SOCS2: variants seen among roughly 807,000 people sequenced by gnomAD.
SOCS2 encodes CIS-2.
In SOCS2, 10 loss-of-function variants were observed where a neutral mutation model predicts 18.6. That is an observed-to-expected ratio of 0.54 (90% CI 0.33 to 0.91). SOCS2 has a LOEUF of 0.91. Ranked by LOEUF, SOCS2 falls within the 40% of genes least tolerant of loss-of-function variation. The probability of loss-of-function intolerance (pLI) is 0.02; values close to 1 mark genes in which losing one functional copy is unlikely to be tolerated. For missense variants in SOCS2, 231 were observed against 247.2 expected (o/e 0.93, Z 0.44); for synonymous variants, 104 against 104.0 (o/e 1.00, Z 0.00).
intron 1 of SOCS2, among the ~76,000 whole-genome samples, chr12:93,582,575 C>T (rs867320448): frequency 5.9e-5 from 9 of 152,236 alleles, no homozygotes; most frequent in Middle Eastern, 3.4e-3. Context: ...GAGTATGCGG[C>T]TTTGAGTCAC....
At chr12:93,624,568 TAA>T in the SOCS2 span, among the ~76,000 whole-genome samples, 23,762 of 143,824 alleles carry the variant, frequency 0.17, 2,789 homozygotes, top group East Asian at 0.35. Flanking sequence ...AGACTCCATC[TAA>T]AAAAAAAAAA....
downstream of SOCS2, among the ~76,000 whole-genome samples, chr12:93,587,485 T>G (rs865496): frequency 6.6e-6 from 1 of 151,812 alleles, no homozygotes; most frequent in Non-Finnish European, 1.5e-5. Flanking sequence ...ATCGAGACCA[T>G]CCTGGCTAAC....
the SOCS2 span, among the ~76,000 whole-genome samples, chr12:93,617,331 C>G: frequency 6.6e-6 from 1 of 152,150 alleles, no homozygotes; most frequent in Non-Finnish European, 1.5e-5. Flanking sequence ...CTAAACTAAA[C>G]TAGGGTGTGG....
intron 1 of SOCS2, 88 bp from the exon 2 acceptor site, chr12:93,574,621 TAGAGCTAAAAAAA>T: frequency 5.1e-6 from 4 of 783,328 alleles, no homozygotes; most frequent in African/African-American, 1.8e-5. Flanking sequence ...TTTTCTTTTT[TAGAGCTAAAAAAA>T]TTATTGCCAA....
chr12:93,599,362 A>T, the SOCS2 span, among the ~76,000 whole-genome samples: 1 of 151,976 alleles, frequency 6.6e-6, no homozygotes, highest in Admixed American at 6.6e-5. Flanking sequence ...GGGTCTTGCA[A>T]TGTTGCCCAG....
At chr12:93,623,798 G>A in the SOCS2 span, among the ~76,000 whole-genome samples, 23 of 151,876 alleles carry the variant, frequency 1.5e-4, no homozygotes, top group African/African-American at 7.3e-5. Flanking sequence ...TCCGCCTCCC[G>A]AGCTCAAGCG....
At chr12:93,603,115 C>T in the SOCS2 span, among the ~76,000 whole-genome samples, 3,108 of 152,280 alleles carry the variant, frequency 0.02, 122 homozygotes, top group African/African-American at 0.071. Flanking sequence ...AGAGTAAACA[C>T]TGCCTCCTAT....
the SOCS2 span, among the ~76,000 whole-genome samples, chr12:93,613,706 G>C: frequency 2.6e-5 from 4 of 152,110 alleles, no homozygotes; most frequent in Admixed American, 1.3e-4. Context: ...TAACAATTGA[G>C]TACTCTGGCT....
At chr12:93,594,797 A>T in the SOCS2 span, among the ~76,000 whole-genome samples, 1 of 152,182 alleles carries the variant, frequency 6.6e-6, no homozygotes, top group Non-Finnish European at 1.5e-5. Flanking sequence ...AAAGAAATGA[A>T]TTTGTAGGTC....
downstream of SOCS2, among the ~76,000 whole-genome samples, chr12:93,578,615 T>TA (rs1283133490): frequency 2.6e-5 from 4 of 152,022 alleles, no homozygotes; most frequent in Non-Finnish European, 5.9e-5. Context: ...AACCACTTTT[T>TA]AGATCACATA....
chr12:93,600,174 T>TA, the SOCS2 span, among the ~76,000 whole-genome samples: 1 of 152,122 alleles, frequency 6.6e-6, no homozygotes, highest in African/African-American at 2.4e-5. Context: ...GGTATAGATT[T>TA]AAAAAAAATT....
downstream of SOCS2, among the ~76,000 whole-genome samples, chr12:93,581,392 G>C (rs1954537193): frequency 6.6e-6 from 1 of 151,986 alleles, no homozygotes; most frequent in Non-Finnish European, 1.5e-5. Context: ...GAGCAGAATA[G>C]GAGTGAACAA....
At chr12:93,586,800 T>G (rs969303737), downstream of SOCS2, among the ~76,000 whole-genome samples, 2 of 152,210 alleles carry the variant, frequency 1.3e-5, no homozygotes, top group African/African-American at 4.8e-5. Context: ...ATTCATTCAC[T>G]CACTCATTCA....
chr12:93,600,338 T>A, the SOCS2 span, among the ~76,000 whole-genome samples: 1 of 152,128 alleles, frequency 6.6e-6, no homozygotes, highest in African/African-American at 2.4e-5. Context: ...GTTCTGCTCT[T>A]CTATTTGTCC....
At chr12:93,616,838 A>C in the SOCS2 span, among the ~76,000 whole-genome samples, 1 of 152,224 alleles carries the variant, frequency 6.6e-6, no homozygotes, top group Non-Finnish European at 1.5e-5. Context: ...GAGATGGGGA[A>C]GTACATGTGA....
At chr12:93,608,017 T>TG in the SOCS2 span, among the ~76,000 whole-genome samples, 2 of 151,654 alleles carry the variant, frequency 1.3e-5, no homozygotes, top group South Asian at 2.1e-4. Flanking sequence ...TTTTTTTTTT[T>TG]TTGAGACAGG....
chr12:93,608,162 GTTTTTTGGTT>G, the SOCS2 span, among the ~76,000 whole-genome samples: 1 of 147,330 alleles, frequency 6.8e-6, no homozygotes, highest in Admixed American at 6.7e-5. Context: ...CCCTTTTTTT[GTTTTTTGGTT>G]TTTTTTTTGG....
At chr12:93,618,077 T>C in the SOCS2 span, among the ~76,000 whole-genome samples, 1 of 152,152 alleles carries the variant, frequency 6.6e-6, no homozygotes, top group African/African-American at 2.4e-5. Context: ...AGAGTTCTCA[T>C]GAGATCTGGT....
the SOCS2 span, among the ~76,000 whole-genome samples, chr12:93,621,928 A>G: frequency 6.6e-6 from 1 of 152,212 alleles, no homozygotes; most frequent in African/African-American, 2.4e-5. Context: ...AGTGCCTGAC[A>G]CATATTAAGT....
Sources: gnomAD v4.1 joint callset for allele counts (sites outside exome capture counted in the v4.1 genomes callset) on GRCh38, gnomAD v4.1.1 for gene constraint, MANE v1.5 for transcripts, NCBI Gene and HGNC (gene_info 2026-07-23, HGNC 2026-07-21) for gene names.